The following NTAQ1 variants were observed in gnomAD, a reference collection of about 807,000 sequenced individuals.
NTAQ1 encodes protein N-terminal glutamine amidohydrolase.
Under a neutral mutation model 28.2 loss-of-function variants are expected in NTAQ1, and 21 were observed. The ratio of observed to expected loss-of-function variants is 0.74; its 90% CI spans 0.53 to 1.07. NTAQ1 has a LOEUF of 1.07. NTAQ1 is among the 50% of genes least tolerant of loss of function. NTAQ1 has a pLI of 0.00. For synonymous variants in NTAQ1, 105 were observed against 90.0 expected (o/e 1.17, Z -0.94); for missense variants, 264 against 256.6 (o/e 1.03, Z -0.20).
At chr8:123,449,364 A>G (rs1815400809), downstream of NTAQ1, among the ~76,000 whole-genome samples, 1 of 152,210 alleles carries the variant, frequency 6.6e-6, no homozygotes, top group Non-Finnish European at 1.5e-5. Flanking sequence ...TACATTCAGC[A>G]TATAGCAATT....
downstream of NTAQ1, among the ~76,000 whole-genome samples, chr8:123,452,444 A>G (rs2130383584): frequency 6.6e-6 from 1 of 152,356 alleles, no homozygotes; most frequent in South Asian, 2.1e-4. Flanking sequence ...TAAAAATATG[A>G]AAATTAGCTG....
At chr8:123,446,270 T>G (rs1815281836), downstream of NTAQ1, among the ~76,000 whole-genome samples, 1 of 152,174 alleles carries the variant, frequency 6.6e-6, no homozygotes, top group Admixed American at 6.5e-5. Flanking sequence ...CCTCCCAAAG[T>G]GCTGGGATTA....
chr8:123,470,342 C>T (rs1322263550), downstream of NTAQ1, among the ~76,000 whole-genome samples: 1 of 152,210 alleles, frequency 6.6e-6, no homozygotes, highest in East Asian at 1.9e-4. Flanking sequence ...TTACCGTGGC[C>T]TCCGCAGTCC....
At chr8:123,438,077 G>A (rs1342927348) in intron 5 of NTAQ1, 3 of 673,724 alleles carry the variant, frequency 4.5e-6, no homozygotes, top group African/African-American at 1.8e-5. Flanking sequence ...CTGCATTAGA[G>A]GGAGGTGAGC....
At chr8:123,424,070 G>T (rs1813887365) in intron 1 of NTAQ1, among the ~76,000 whole-genome samples, 5 of 67,146 alleles carry the variant, frequency 7.4e-5, no homozygotes, top group African/African-American at 1.1e-4. Flanking sequence ...TTATTTTTAT[G>T]CGTTTTTTTT....
chr8:123,461,510 A>G (rs1300325985), intron 6 of NTAQ1, among the ~76,000 whole-genome samples: 1 of 152,172 alleles, frequency 6.6e-6, no homozygotes, highest in Non-Finnish European at 1.5e-5. Context: ...TCCAGTATGT[A>G]ACAAATCTAG....
intron 3 of NTAQ1, among the ~76,000 whole-genome samples, chr8:123,432,593 C>T (rs537425330): frequency 8.3e-4 from 125 of 150,364 alleles, no homozygotes; most frequent in Non-Finnish European, 1.5e-3. Context: ...CGAGATCATA[C>T]CACTGTACTC....
downstream of NTAQ1, among the ~76,000 whole-genome samples, chr8:123,443,122 C>T (rs544162054): frequency 4.7e-4 from 70 of 148,950 alleles, no homozygotes; most frequent in African/African-American, 1.4e-3. Context: ...CAGGTTCAAA[C>T]GATTCTCATG....
At chr8:123,436,861 T>TG (rs1277881458) in intron 4 of NTAQ1, among the ~76,000 whole-genome samples, 1 of 152,160 alleles carries the variant, frequency 6.6e-6, no homozygotes, top group Non-Finnish European at 1.5e-5. Context: ...TCAAGCGGGT[T>TG]GGGGATTTTT....
chr8:123,437,475 G>A, intron 5 of NTAQ1, 141 bp downstream of exon 5: 1 of 1,209,942 alleles, frequency 8.3e-7, no homozygotes, highest in South Asian at 1.6e-5. Context: ...AGGCCGAGGT[G>A]GGCGGATCAC....
intron 5 of NTAQ1, 56 bp from the exon 6 acceptor site, chr8:123,441,250 C>T: frequency 7.1e-7 from 1 of 1,402,138 alleles, no homozygotes. Flanking sequence ...TGTTTTATTG[C>T]TGTTAAACCA....
chr8:123,448,216 G>T (rs1040697187), downstream of NTAQ1: 3 of 152,242 alleles, frequency 2.0e-5, no homozygotes, highest in African/African-American at 7.2e-5. Flanking sequence ...TTAAGTCACA[G>T]AATTCTTGGT....
rs6470147 is a variant in NTAQ1 at position 123,436,564 on chromosome 8, T to A, written c.346T>A (p.Phe116Ile). 0.36 allele frequency: 578,552 copies of A among 1,613,040 alleles called. 105,543 individuals are homozygous for A. The highest frequency in any genetic ancestry group is 0.57 in the East Asian group (25,671 of 44,806). ...CLFDTYVEDA[F>I]KSDDDIHPQF... ...CTTTGACACTTATGTAGAAGATGCC[T>A]TTAAGTCTGATGATGACATTCACCC... Residue 116 changes from phenylalanine to isoleucine, a missense_variant, in exon 4 of 6, where the codon TTT becomes ATT. Transcript: ENST00000287387.
At chr8:123,421,333 G>A (rs1316141617) in intron 1 of NTAQ1, among the ~76,000 whole-genome samples, 1 of 152,090 alleles carries the variant, frequency 6.6e-6, no homozygotes, top group Non-Finnish European at 1.5e-5. Flanking sequence ...TCCTGCCTTG[G>A]CCTCCCGAAC....
chr8:123,438,195 C>T lies in NTAQ1; in HGVS notation c.508+861C>T, dbSNP rs79432377. On this transcript the variant is annotated intron_variant, in intron 5 of 5. Coordinates refer to ENST00000287387, the MANE Select transcript of NTAQ1 (RefSeq NM_018024.3). ...AGATAAAGGGTCCTTCACCCTATTA[C>T]TATTGTTTGGCATTCATATGAGTTT... The T allele has an allele frequency of 1.7e-3, 1,207 of 701,944 alleles. 3 individuals are homozygous for T. The highest frequency in any genetic ancestry group is 1.8e-3 in the Non-Finnish European group (704 of 384,772). 43.5% of individuals were successfully genotyped at this position (701,944 alleles called of 1,614,324 possible).
chr8:123,461,109 G>C (rs1255147226), intron 6 of NTAQ1, among the ~76,000 whole-genome samples: 11 of 152,230 alleles, frequency 7.2e-5, no homozygotes, highest in Admixed American at 7.2e-4. Context: ...GGCTTGGGCA[G>C]GCGGGAAGCA....
downstream of NTAQ1, among the ~76,000 whole-genome samples, chr8:123,447,043 A>G (rs1273776273): frequency 4.6e-5 from 7 of 151,858 alleles, no homozygotes; most frequent in Admixed American, 2.6e-4. Flanking sequence ...CTGTCTGTCT[A>G]TCTATAGAGA....
intron 6 of NTAQ1, among the ~76,000 whole-genome samples, chr8:123,458,052 G>A (rs1258415387): frequency 4.5e-4 from 24 of 53,720 alleles, no homozygotes; most frequent in Middle Eastern, 0.016. Context: ...AAAAAAAAAA[G>A]ATTTAAAATA....
chr8:123,456,003 G>A (rs1815640342), intron 6 of NTAQ1, among the ~76,000 whole-genome samples: 1 of 152,078 alleles, frequency 6.6e-6, no homozygotes. Context: ...TAGGCATCTG[G>A]TCAGGTGGGG....
Sources: allele counts gnomAD v4.1 joint callset (sites outside exome capture counted in the v4.1 genomes callset), GRCh38; gene constraint gnomAD v4.1.1; transcripts MANE v1.5; gene names NCBI Gene and HGNC (gene_info 2026-07-23, HGNC 2026-07-21).